Variants in XPOT observed in about 807,000 individuals in gnomAD.
XPOT encodes the protein exportin-T.
XPOT carries 34 observed loss-of-function variants against 128.2 expected under a neutral mutation model. The ratio of observed to expected loss-of-function variants is 0.27; its 90% confidence interval spans 0.20 to 0.35. The LOEUF (loss-of-function observed/expected upper bound fraction) is 0.35. Among genes scored for constraint, XPOT ranks in the 10% least tolerant of loss-of-function variants. The pLI is 1.00. For missense variants in XPOT, 838 were observed against 1,125.3 expected (o/e 0.74, Z 3.65); for synonymous variants, 348 against 394.3 (o/e 0.88, Z 1.39).
chr12:64,434,975 C>T (rs2040270330), intron 21 of XPOT, 66 bp downstream of exon 21: 8 of 1,302,734 alleles, frequency 6.1e-6, no homozygotes, highest in Non-Finnish European at 8.7e-6. Context: ...TCTTTAATGC[C>T]AGGTTGATTA....
intron 6 of XPOT, among the ~76,000 whole-genome samples, chr12:64,419,621 A>T (rs774595566): frequency 9.2e-5 from 14 of 152,154 alleles, no homozygotes; most frequent in African/African-American, 1.4e-4. Flanking sequence ...AATTTTTTTT[A>T]ACTAGGCAAA....
chr12:64,407,855 A>G (rs979410492), intron 1 of XPOT, among the ~76,000 whole-genome samples: 1 of 152,212 alleles, frequency 6.6e-6, no homozygotes, highest in Non-Finnish European at 1.5e-5. Context: ...GTTATGAACC[A>G]TAAGAGAAAG....
Position 64,421,217 on chromosome 12 carries a change from T to G in XPOT, c.844-18T>G. 1 of 1,585,806 alleles carries G rather than the reference T, an allele frequency of 6.3e-7. No homozygotes were observed. Among genetic ancestry groups the G allele is most frequent in the South Asian group, 1.1e-5 (1 of 90,396 alleles). ...GGGCAGGCAGTTTTAAACAGAGATG[T>G]GTCTTGATTGCTTATAGGAAGAAGA... On this transcript the variant is annotated intron_variant, in intron 8 of 24. Transcript: ENST00000332707.
At position 64,433,559 on chromosome 12, in the gene XPOT, A is replaced by G; in HGVS notation, c.2408A>G (p.Gln803Arg). 3 of 1,612,712 alleles carry G rather than the reference A, an allele frequency of 1.9e-6. No homozygotes were observed. Among genetic ancestry groups the G allele is most frequent in the Non-Finnish European group, 2.5e-6 (3 of 1,179,134 alleles). ...MLRRSYFAFLQTVTGSGMSEV... is the reference protein window; with the variant it reads ...MLRRSYFAFLRTVTGSGMSEV... ...CGGAGGAGTTACTTTGCTTTCCTGCAAACAGTCACAGGCAGTGGGATGAGC... is the reference window on the plus strand; with the variant it reads ...CGGAGGAGTTACTTTGCTTTCCTGCGAACAGTCACAGGCAGTGGGATGAGC... The change falls in exon 19 of 25, where the codon CAA (glutamine) becomes CGA (arginine). Residue 803 changes from glutamine (Q) to arginine (R), a missense_variant. Coordinates refer to ENST00000332707, the MANE Select transcript of XPOT (RefSeq NM_007235.6).
At chr12:64,430,801 G>A (rs1272753663) in intron 17 of XPOT, among the ~76,000 whole-genome samples, 2 of 152,190 alleles carry the variant, frequency 1.3e-5, no homozygotes, top group Non-Finnish European at 2.9e-5. Context: ...TATTAGAGAG[G>A]TTGTATAAAG....
At chr12:64,424,957 TTGTTGG>T (rs2040176584) in intron 12 of XPOT, 75 bp from the exon 13 acceptor site, 1 of 1,524,670 alleles carries the variant, frequency 6.6e-7, no homozygotes, top group Admixed American at 1.9e-5. Context: ...AAAAAGGCTT[TTGTTGG>T]TGTCTTACCC....
intron 1 of XPOT, chr12:64,405,131 G>A (rs2039966572): frequency 6.6e-6 from 1 of 152,290 alleles, no homozygotes; most frequent in African/African-American, 2.4e-5. Context: ...GGCATCGCCT[G>A]TGGTTCCGAA....
chr12:64,417,985 T>C lies in XPOT; in HGVS notation c.201-61T>C, dbSNP rs2040103074. 4.3e-6 allele frequency: 6 copies of C among 1,391,244 alleles called. No homozygotes were observed. In the South Asian group the frequency reaches 5.3e-5, roughly 12 times the overall value. The allele number at this position is 1,391,244 out of a possible 1,614,324, so 86.2% of individuals were successfully genotyped here. A position where few individuals can be genotyped will look rare whatever the true frequency, so the allele number is the denominator to read the frequency against. On this transcript the variant is annotated intron_variant, in intron 4 of 24. Transcript: ENST00000332707. ...CCCTTTCAAATATATGAGGCTGTTA[T>C]TTTTTACAACCATAGACACCAAATA...
chr12:64,425,661 CTGTT>C, intron 14 of XPOT, 150 bp from the exon 15 acceptor site: 1 of 949,308 alleles, frequency 1.1e-6, no homozygotes, highest in East Asian at 2.4e-5. Flanking sequence ...TCTCAAGGGA[CTGTT>C]TGTGTGTAGT....
chr12:64,416,685 T>C lies in XPOT; in HGVS notation c.144-13T>C, dbSNP rs1429724197. 1 of 1,607,998 alleles carries C rather than the reference T, an allele frequency of 6.2e-7. No homozygotes were observed. On this transcript the variant is annotated splice_polypyrimidine_tract_variant and intron_variant, in intron 3 of 24. Coordinates refer to ENST00000332707, the MANE Select transcript of XPOT (RefSeq NM_007235.6). Reference sequence around the variant, plus strand: ...ATATTCTGCTTATCTCATTTTCTTTTTTTCTTTTTCAGTGATGATCATGTG... The same window carrying C: ...ATATTCTGCTTATCTCATTTTCTTTCTTTCTTTTTCAGTGATGATCATGTG...
chr12:64,412,183 C>CGTGG, intron 2 of XPOT, among the ~76,000 whole-genome samples: 1 of 151,974 alleles, frequency 6.6e-6, no homozygotes, highest in Non-Finnish European at 1.5e-5. Context: ...CACACCACCA[C>CGTGG]GCCTAGCTAA....
intron 18 of XPOT, 99 bp from the exon 19 acceptor site, chr12:64,433,315 A>G: frequency 8.6e-7 from 1 of 1,158,328 alleles, no homozygotes; most frequent in Non-Finnish European, 1.2e-6. Flanking sequence ...GTACGCATGC[A>G]TCCTAAATAG....
Position 64,425,399 on chromosome 12 carries a change from CTGT to C in XPOT, c.1519_1521del (p.Val507del), listed in dbSNP as rs1187654164. ...TCTGTGACATTGGAGTTCTTCGAAA[CTGT>C]TGTTAGATATGAAAAGTTTTTCACA... On this transcript the variant is annotated inframe_deletion, in exon 14 of 25. Coordinates refer to ENST00000332707, the MANE Select transcript of XPOT (RefSeq NM_007235.6). 1 of 1,613,626 alleles carries C rather than the reference CTGT, an allele frequency of 6.2e-7. No individual in the cohort carries two copies. Among genetic ancestry groups the C allele is most frequent in the African/African-American group, 1.3e-5 (1 of 74,906 alleles).
At chr12:64,409,352 A>G (rs986616280) in intron 1 of XPOT, among the ~76,000 whole-genome samples, 3 of 152,124 alleles carry the variant, frequency 2.0e-5, no homozygotes, top group Non-Finnish European at 1.5e-5. Context: ...AGGTACTTCT[A>G]CTATTTAAAG....
intron 2 of XPOT, among the ~76,000 whole-genome samples, chr12:64,410,455 C>T (rs970549299): frequency 1.3e-5 from 2 of 152,086 alleles, no homozygotes; most frequent in African/African-American, 4.8e-5. Flanking sequence ...TCTATACAAG[C>T]TGTTTTAACA....
intron 23 of XPOT, among the ~76,000 whole-genome samples, chr12:64,441,311 G>A (rs556633333): frequency 1.3e-5 from 2 of 152,318 alleles, no homozygotes; most frequent in African/African-American, 2.4e-5. Flanking sequence ...GTCTCACTCT[G>A]TTGTCCAGAC....
intron 9 of XPOT, among the ~76,000 whole-genome samples, chr12:64,422,723 A>C (rs2040150568): frequency 6.6e-6 from 1 of 151,834 alleles, no homozygotes; most frequent in Non-Finnish European, 1.5e-5. Flanking sequence ...ACATAGGAAG[A>C]CTCCATTTCT....
In XPOT at chr12:64,410,005, C is replaced by A. The variant is rs752581054; in HGVS notation, c.-31C>A. 2.2e-5 allele frequency: 35 copies of A among 1,605,996 alleles called. No homozygotes were observed. The highest frequency in any genetic ancestry group is 3.3e-4 in the Middle Eastern group (2 of 6,044). On this transcript the variant is annotated 5_prime_UTR_variant, in exon 2 of 25. Transcript: ENST00000332707. ...GTGGGATCAGAGGGCACGCCTATTACAACCAGAAAACTACAAGTATAACAG... is the reference window on the plus strand; with the variant it reads ...GTGGGATCAGAGGGCACGCCTATTAAAACCAGAAAACTACAAGTATAACAG...
intron 21 of XPOT, among the ~76,000 whole-genome samples, chr12:64,435,192 G>A (rs950710614): frequency 6.6e-6 from 1 of 152,088 alleles, no homozygotes; most frequent in East Asian, 1.9e-4. Context: ...ATTCTTTCAA[G>A]CTTGAGTATT....
Sources: gnomAD v4.1 joint callset for allele counts (sites outside exome capture counted in the v4.1 genomes callset) on GRCh38, gnomAD v4.1.1 for gene constraint, MANE v1.5 for transcripts, NCBI Gene and HGNC (gene_info 2026-07-23, HGNC 2026-07-21) for gene names.